CNTN5: variants seen among roughly 807,000 people sequenced by gnomAD.
The protein encoded by CNTN5 is contactin-5.
In CNTN5, 77 loss-of-function variants were observed where a neutral mutation model predicts 129.1. The observed-to-expected ratio is 0.60, with a 90% CI of 0.50 to 0.72. The LOEUF (loss-of-function observed/expected upper bound fraction) is 0.72. Ranked by LOEUF, CNTN5 falls within the 30% of genes least tolerant of loss-of-function variation. CNTN5 has a pLI of 0.00. For missense variants in CNTN5, 1,478 were observed against 1,328.8 expected (o/e 1.11, Z -1.75); for synonymous variants, 509 against 465.6 (o/e 1.09, Z -1.20).
intron 13 of CNTN5, among the ~76,000 whole-genome samples, chr11:100,112,566 G>A (rs182167546): frequency 2.6e-4 from 39 of 152,128 alleles, no homozygotes; most frequent in African/African-American, 7.2e-4. Flanking sequence ...TTAGAGATAC[G>A]GTAGGGTGCT....
intron 1 of CNTN5, among the ~76,000 whole-genome samples, chr11:99,143,036 A>AT (rs1859599388): frequency 6.6e-6 from 1 of 151,714 alleles, no homozygotes; most frequent in Admixed American, 6.6e-5. Flanking sequence ...TCTTCCTAAG[A>AT]TCTGCTGGTA....
chr11:99,865,978 C>T (rs1057304497), intron 6 of CNTN5, among the ~76,000 whole-genome samples: 1 of 152,040 alleles, frequency 6.6e-6, no homozygotes, highest in African/African-American at 2.4e-5. Flanking sequence ...TTAAAAAATT[C>T]ACTTGTTTTT....
chr11:100,204,421 G>A (rs925845085), intron 15 of CNTN5, among the ~76,000 whole-genome samples: 1 of 141,610 alleles, frequency 7.1e-6, no homozygotes, highest in African/African-American at 2.6e-5. Context: ...ATGGAGAGAT[G>A]ATATATAGAT....
intron 1 of CNTN5, among the ~76,000 whole-genome samples, chr11:99,134,363 G>A (rs1859111379): frequency 6.6e-6 from 1 of 152,032 alleles, no homozygotes; most frequent in Non-Finnish European, 1.5e-5. Flanking sequence ...ACGTTTACCT[G>A]TATAAAAAAC....
chr11:99,203,704 A>T (rs1859333769), intron 1 of CNTN5, among the ~76,000 whole-genome samples: 1 of 151,796 alleles, frequency 6.6e-6, no homozygotes, highest in African/African-American at 2.4e-5. Flanking sequence ...TTCTCCTCCT[A>T]TCAAGTGATA....
rs183345577 is a variant in CNTN5 at position 99,223,764 on chromosome 11, G to A, written c.-209-101582G>A. Reference sequence around the variant, plus strand: ...CACAGGTGAAAATCTACCCTCTAAAGCTTCCTCTCATTTATAGCTTCATCA... The same window carrying A: ...CACAGGTGAAAATCTACCCTCTAAAACTTCCTCTCATTTATAGCTTCATCA... On this transcript the variant is annotated intron_variant, in intron 1 of 24. Transcript: ENST00000524871. Among the ~76,000 whole-genome samples the A allele has an allele frequency of 1.2e-3, 189 of 152,212 alleles. 1 individual carries two copies. Among genetic ancestry groups the A allele is most frequent in the African/African-American group, 4.2e-3 (174 of 41,538 alleles).
intron 3 of CNTN5, among the ~76,000 whole-genome samples, chr11:99,677,124 C>T (rs921366870): frequency 4.6e-5 from 7 of 152,092 alleles, no homozygotes; most frequent in Non-Finnish European, 8.8e-5. Flanking sequence ...TCTGATGTTA[C>T]ACAACAATAA....
rs1024495703 is a variant in CNTN5, at chr11:99,564,674, A to G, written c.55+8405A>G. Among the ~76,000 whole-genome samples the G allele has an allele frequency of 7.9e-5, 12 of 152,344 alleles. No homozygotes were observed. The South Asian group carries it at 8.3e-4, about 11-fold the overall frequency. Reference sequence around the variant, plus strand: ...TTTTTAATATATATGTGAAAAAAGCATCAACATTTTAATCTCTATTGTGCC... The same window carrying G: ...TTTTTAATATATATGTGAAAAAAGCGTCAACATTTTAATCTCTATTGTGCC... On this transcript the variant is annotated intron_variant, in intron 3 of 24. Coordinates refer to ENST00000524871, the MANE Select transcript of CNTN5 (RefSeq NM_014361.4).
At chr11:100,203,746 C>T (rs780897366) in intron 15 of CNTN5, among the ~76,000 whole-genome samples, 23 of 147,642 alleles carry the variant, frequency 1.6e-4, no homozygotes, top group African/African-American at 1.0e-4. Flanking sequence ...TCTAACAAGC[C>T]GATTTTATCA....
At chr11:100,277,053 C>T (rs1032972375) in intron 18 of CNTN5, among the ~76,000 whole-genome samples, 1 of 151,976 alleles carries the variant, frequency 6.6e-6, no homozygotes, top group African/African-American at 2.4e-5. Flanking sequence ...TAGCTCTTAC[C>T]AATGAGTGAG....
intron 3 of CNTN5, among the ~76,000 whole-genome samples, chr11:99,771,995 A>C (rs1367688873): frequency 6.6e-6 from 1 of 151,964 alleles, no homozygotes; most frequent in Admixed American, 6.6e-5. Context: ...TCTAATAAAA[A>C]ATATGGGCAC....
intron 13 of CNTN5, among the ~76,000 whole-genome samples, chr11:100,165,977 G>A (rs756563829): frequency 6.3e-4 from 95 of 151,662 alleles, no homozygotes; most frequent in African/African-American, 2.2e-3. Flanking sequence ...TTTAAAGTGT[G>A]TATCACTATG....
In CNTN5 at chr11:100,356,538, C is replaced by A; in HGVS notation, c.*318C>A. On this transcript the variant is annotated 3_prime_UTR_variant, in exon 25 of 25. Coordinates refer to ENST00000524871, the MANE Select transcript of CNTN5 (RefSeq NM_014361.4). ...AATATGTTGGGATTTTATTTTATAT[C>A]TGATGACTCCGAGTGTGTGCCATCC... The A allele has an allele frequency of 3.2e-6, 1 of 307,808 alleles. No homozygotes were observed. 19.1% of individuals were successfully genotyped at this position (307,808 alleles called of 1,614,324 possible). A position where few individuals can be genotyped will look rare whatever the true frequency, so the allele number is the denominator to read the frequency against.
At chr11:99,254,267 G>T (rs998381646) in intron 1 of CNTN5, among the ~76,000 whole-genome samples, 1 of 151,730 alleles carries the variant, frequency 6.6e-6, no homozygotes, top group Non-Finnish European at 1.5e-5. Flanking sequence ...GAAACATAAA[G>T]ACTTAGTTTA....
At chr11:99,291,649 C>A (rs1046553966) in intron 1 of CNTN5, among the ~76,000 whole-genome samples, 1 of 151,878 alleles carries the variant, frequency 6.6e-6, no homozygotes, top group Non-Finnish European at 1.5e-5. Context: ...GTGTGGTTAT[C>A]TCAGAAAAGT....
At chr11:99,292,247 C>T (rs990413906) in intron 1 of CNTN5, among the ~76,000 whole-genome samples, 8 of 90,988 alleles carry the variant, frequency 8.8e-5, no homozygotes, top group Non-Finnish European at 1.6e-4. Flanking sequence ...TAAAAGCTTA[C>T]AAAGTTAAAA....
chr11:99,518,169 T>C (rs1171403273), intron 2 of CNTN5, among the ~76,000 whole-genome samples: 1 of 152,120 alleles, frequency 6.6e-6, no homozygotes, highest in Non-Finnish European at 1.5e-5. Context: ...ATATTAAATC[T>C]GATTTGCTCA....
rs993169872 is a variant in CNTN5 at position 100,356,826 on chromosome 11, C to T, written c.*606C>T. ...TGTCAATATGCTATTCTATATGCAC[C>T]CCTAGAGCAAGTCATTAGGGTAGGG... On this transcript the variant is annotated 3_prime_UTR_variant, in exon 25 of 25. Coordinates refer to ENST00000524871, the MANE Select transcript of CNTN5 (RefSeq NM_014361.4). 5.2e-5 allele frequency: 8 copies of T among 152,392 alleles called. No homozygotes were observed. The highest frequency in any genetic ancestry group is 1.9e-4 in the African/African-American group (8 of 41,438). The allele number at this position is 152,392 out of a possible 1,614,324, so 9.4% of individuals were successfully genotyped here.
intron 15 of CNTN5, among the ~76,000 whole-genome samples, chr11:100,198,116 A>T (rs1359129495): frequency 1.3e-5 from 2 of 151,972 alleles, no homozygotes; most frequent in Non-Finnish European, 2.9e-5. Context: ...ATATTCACTG[A>T]CCACTTCTTA....
Sources: gnomAD v4.1 joint callset for allele counts (sites outside exome capture counted in the v4.1 genomes callset) on GRCh38, gnomAD v4.1.1 for gene constraint, MANE v1.5 for transcripts, NCBI Gene and HGNC (gene_info 2026-07-23, HGNC 2026-07-21) for gene names.